TOP6BL: variants seen among roughly 807,000 people sequenced by gnomAD.
The protein encoded by TOP6BL is type 2 DNA topoisomerase 6 subunit B-like.
the TOP6BL span, among the ~76,000 whole-genome samples, chr11:66,755,283 G>C: frequency 6.6e-6 from 1 of 152,034 alleles, no homozygotes; most frequent in Non-Finnish European, 1.5e-5. Flanking sequence ...ACCATGCCTG[G>C]CTAATTTTTG....
chr11:66,842,896 C>G, the TOP6BL span: 3 of 1,574,638 alleles, frequency 1.9e-6, no homozygotes, highest in Middle Eastern at 3.7e-4. Flanking sequence ...GGGCAGCCCC[C>G]GCATAGAGGA....
the TOP6BL span, among the ~76,000 whole-genome samples, chr11:66,801,692 T>A: frequency 6.6e-6 from 1 of 152,070 alleles, no homozygotes; most frequent in Non-Finnish European, 1.5e-5. Flanking sequence ...AAAAATTAGC[T>A]GGGCATGGTA....
At chr11:66,765,414 T>C in the TOP6BL span, among the ~76,000 whole-genome samples, 2 of 152,260 alleles carry the variant, frequency 1.3e-5, no homozygotes, top group African/African-American at 4.8e-5. Flanking sequence ...CATTTGCTCA[T>C]GCTCAATCAC....
the TOP6BL span, among the ~76,000 whole-genome samples, chr11:66,798,433 C>G: frequency 1.3e-5 from 2 of 151,774 alleles, no homozygotes. Context: ...AACTCTGTCT[C>G]TACTAAAAAT....
At chr11:66,756,285 A>G in the TOP6BL span, 3 of 1,112,458 alleles carry the variant, frequency 2.7e-6, no homozygotes, top group African/African-American at 1.7e-5. Flanking sequence ...AGTGTGGACT[A>G]TGAAACATAC....
chr11:66,758,302 C>CTTTCTTTTT, the TOP6BL span: 1 of 67,318 alleles, frequency 1.5e-5, no homozygotes, highest in Admixed American at 2.2e-4. Context: ...TTTTCTTTTT[C>CTTTCTTTTT]TTTTTTTTTT....
At chr11:66,788,155 C>G in the TOP6BL span, 2 of 1,593,424 alleles carry the variant, frequency 1.3e-6, no homozygotes, top group Non-Finnish European at 8.6e-7. Flanking sequence ...TTTCTTCTCA[C>G]ACAGAAATAC....
chr11:66,830,390 A>T, the TOP6BL span, among the ~76,000 whole-genome samples: 1 of 152,194 alleles, frequency 6.6e-6, no homozygotes, highest in East Asian at 1.9e-4. Context: ...AAAATTTGTG[A>T]GATGTAGCTG....
chr11:66,838,355 A>T, the TOP6BL span: 3 of 1,612,830 alleles, frequency 1.9e-6, no homozygotes, highest in Non-Finnish European at 2.5e-6. Flanking sequence ...TAGGACTTCT[A>T]ATTTTTTTAA....
the TOP6BL span, among the ~76,000 whole-genome samples, chr11:66,753,423 T>C: frequency 8.7e-5 from 13 of 150,168 alleles, no homozygotes; most frequent in African/African-American, 1.2e-4. Flanking sequence ...TTTTTTTTTT[T>C]TGAGACAGAG....
the TOP6BL span, among the ~76,000 whole-genome samples, chr11:66,826,707 A>G: frequency 6.6e-6 from 1 of 151,626 alleles, no homozygotes. Flanking sequence ...TTTGAGACAG[A>G]GTTTCGCTCT....
chr11:66,783,050 A>C, the TOP6BL span, among the ~76,000 whole-genome samples: 58 of 152,310 alleles, frequency 3.8e-4, no homozygotes, highest in African/African-American at 1.4e-3. Flanking sequence ...TGGCTCTCTT[A>C]AAAGTTCAGA....
the TOP6BL span, among the ~76,000 whole-genome samples, chr11:66,769,705 GTTTTA>G: frequency 4.0e-5 from 6 of 151,324 alleles, no homozygotes; most frequent in Admixed American, 1.3e-4. Context: ...GAGATTAGCA[GTTTTA>G]TTTATTTATT....
the TOP6BL span, among the ~76,000 whole-genome samples, chr11:66,789,116 G>A: frequency 1.3e-5 from 2 of 152,172 alleles, no homozygotes; most frequent in African/African-American, 2.4e-5. Flanking sequence ...ATAGGCTTTG[G>A]AACATTTTTT....
At chr11:66,784,573 C>T in the TOP6BL span, among the ~76,000 whole-genome samples, 1 of 152,248 alleles carries the variant, frequency 6.6e-6, no homozygotes, top group Non-Finnish European at 1.5e-5. Context: ...TTGGCAAACA[C>T]TAATCTACTT....
the TOP6BL span, among the ~76,000 whole-genome samples, chr11:66,813,363 C>T: frequency 2.6e-5 from 4 of 152,152 alleles, no homozygotes; most frequent in East Asian, 7.7e-4. Flanking sequence ...TTATTAAACC[C>T]AGAATAAATT....
the TOP6BL span, among the ~76,000 whole-genome samples, chr11:66,834,000 G>A: frequency 1.3e-5 from 2 of 151,816 alleles, no homozygotes; most frequent in Middle Eastern, 3.2e-3. Flanking sequence ...CTATAGTCAT[G>A]GCTCATAGCC....
the TOP6BL span, among the ~76,000 whole-genome samples, chr11:66,776,026 G>C: frequency 6.6e-6 from 1 of 151,274 alleles, no homozygotes; most frequent in African/African-American, 2.4e-5. Flanking sequence ...TCTAAATTAT[G>C]ACAACTCCAT....
chr11:66,797,915 C>G, the TOP6BL span, among the ~76,000 whole-genome samples: 25 of 152,322 alleles, frequency 1.6e-4, no homozygotes, highest in East Asian at 4.8e-3. Flanking sequence ...TGACATCCCC[C>G]TTCTGCCATC....
Sources: allele counts gnomAD v4.1 joint callset (sites outside exome capture counted in the v4.1 genomes callset), GRCh38; gene constraint gnomAD v4.1.1; transcripts MANE v1.5; gene names NCBI Gene and HGNC (gene_info 2026-07-23, HGNC 2026-07-21).